FBXO15: variants seen among roughly 807,000 people sequenced by gnomAD.
FBXO15 encodes the protein F-box only protein 15.
In FBXO15, 30 loss-of-function variants were observed where a neutral mutation model predicts 49.5. The observed-to-expected ratio is 0.61, with a 90% CI of 0.45 to 0.82. The LOEUF (loss-of-function observed/expected upper bound fraction) is 0.82, where lower values mean the gene tolerates loss of function less well. Among genes scored for constraint, FBXO15 ranks in the 40% least tolerant of loss-of-function variants. The probability of loss-of-function intolerance (pLI) is 0.00; values close to 1 mark genes in which losing one functional copy is unlikely to be tolerated. For synonymous variants in FBXO15, 250 were observed against 232.7 expected, an observed-to-expected ratio of 1.07 and a Z score of -0.68; for missense variants, 591 against 631.5, an observed-to-expected ratio of 0.94 and a Z score of 0.69.
intron 8 of FBXO15, among the ~76,000 whole-genome samples, chr18:74,111,054 A>G (rs1372719886): frequency 6.6e-6 from 1 of 152,164 alleles, no homozygotes; most frequent in Non-Finnish European, 1.5e-5. Flanking sequence ...GTCATAAATC[A>G]ACGGGGTATA....
intron 9 of FBXO15, among the ~76,000 whole-genome samples, chr18:74,080,601 A>C (rs1388286372): frequency 6.6e-6 from 1 of 152,242 alleles, no homozygotes. Context: ...CCAATTTTGA[A>C]GCCGTATCTT....
intron 9 of FBXO15, among the ~76,000 whole-genome samples, chr18:74,077,770 A>G (rs530133233): frequency 6.6e-6 from 1 of 152,294 alleles, no homozygotes; most frequent in South Asian, 2.1e-4. Flanking sequence ...TGGAATGGGC[A>G]TTACCACTGT....
chr18:74,116,177 T>C (rs1487354639), intron 8 of FBXO15, among the ~76,000 whole-genome samples: 5 of 152,174 alleles, frequency 3.3e-5, no homozygotes, highest in Admixed American at 2.6e-4. Flanking sequence ...TGAGAGCAGG[T>C]TGGGGACATG....
intron 5 of FBXO15, among the ~76,000 whole-genome samples, chr18:74,126,649 GA>G (rs1568175965): frequency 6.6e-6 from 1 of 152,194 alleles, no homozygotes; most frequent in Non-Finnish European, 1.5e-5. Flanking sequence ...TTTCATAAAG[GA>G]GACACTAACA....
At chr18:74,100,602 C>A in intron 8 of FBXO15, among the ~76,000 whole-genome samples, 1 of 151,488 alleles carries the variant, frequency 6.6e-6, no homozygotes, top group East Asian at 1.9e-4. Flanking sequence ...AAAAAAAATA[C>A]AAAAGATAAA....
intron 8 of FBXO15, among the ~76,000 whole-genome samples, chr18:74,093,376 G>T (rs1351881146): frequency 6.6e-6 from 1 of 152,138 alleles, no homozygotes; most frequent in Non-Finnish European, 1.5e-5. Context: ...CTCTGCTGGA[G>T]CTCTCTGATG....
At chr18:74,108,217 G>A (rs989303397) in intron 8 of FBXO15, among the ~76,000 whole-genome samples, 13 of 152,128 alleles carry the variant, frequency 8.5e-5, no homozygotes, top group African/African-American at 3.1e-4. Flanking sequence ...AGCTGTGACA[G>A]GGATGTTGGA....
At position 74,085,226 on chromosome 18, in the gene FBXO15, T is replaced by C. The variant is rs1374535798; in HGVS notation, c.1139-3175A>G. ...TGGACCTAAAATAGCCAAAACAATC[T>C]TGGAAAAAAAAAAGTTGACTTCAAG... On this transcript the variant is annotated intron_variant, in intron 8 of 9. Transcript: ENST00000419743. Among the ~76,000 whole-genome samples, 4 of 135,472 alleles carry C rather than the reference T, an allele frequency of 3.0e-5. No individual in the cohort carries two copies. In the East Asian group the frequency reaches 8.4e-4, roughly 29 times the overall value. 88.9% of individuals were successfully genotyped at this position (135,472 alleles called of 152,430 possible).
chr18:74,097,068 T>C (rs1217737020), intron 8 of FBXO15: 1 of 152,156 alleles, frequency 6.6e-6, no homozygotes, highest in Non-Finnish European at 1.5e-5. Context: ...GAGGAAGCAG[T>C]GGGAAAAGCC....
chr18:74,085,508 G>A (rs901779425), intron 8 of FBXO15, among the ~76,000 whole-genome samples: 4 of 152,162 alleles, frequency 2.6e-5, no homozygotes, highest in East Asian at 1.9e-4. Context: ...TGGGAGAATC[G>A]CTTGAACCAA....
At chr18:74,079,792 A>G (rs954104878) in intron 9 of FBXO15, among the ~76,000 whole-genome samples, 2 of 152,174 alleles carry the variant, frequency 1.3e-5, no homozygotes, top group African/African-American at 2.4e-5. Flanking sequence ...CTGAGGTTGG[A>G]GGAAGACGGA....
At chr18:74,082,148 G>T in intron 8 of FBXO15, 97 bp from the exon 9 acceptor site, 1 of 1,328,366 alleles carries the variant, frequency 7.5e-7, no homozygotes, top group Non-Finnish European at 1.0e-6. Flanking sequence ...ACCTCACCCT[G>T]GTAAGCCCTG....
intron 8 of FBXO15, among the ~76,000 whole-genome samples, chr18:74,084,529 T>A (rs1250602186): frequency 2.0e-5 from 3 of 152,242 alleles, no homozygotes; most frequent in Admixed American, 1.3e-4. Flanking sequence ...TGGCTTTGCA[T>A]CTATAAACAC....
At chr18:74,118,559 G>C (rs956687565) in intron 8 of FBXO15, among the ~76,000 whole-genome samples, 4 of 152,014 alleles carry the variant, frequency 2.6e-5, no homozygotes, top group African/African-American at 9.7e-5. Flanking sequence ...AATAAATTCT[G>C]TATAAAGACT....
At chr18:74,131,040 T>C (rs1323317326) in intron 3 of FBXO15, among the ~76,000 whole-genome samples, 1 of 152,204 alleles carries the variant, frequency 6.6e-6, no homozygotes, top group Non-Finnish European at 1.5e-5. Flanking sequence ...TACATGCTTT[T>C]AAAAAGATCA....
chr18:74,093,919 T>C (rs937571986), intron 8 of FBXO15, among the ~76,000 whole-genome samples: 10 of 152,192 alleles, frequency 6.6e-5, no homozygotes, highest in African/African-American at 1.2e-4. Context: ...TATAGACTTA[T>C]AAAACTATAG....
chr18:74,123,174 A>T, intron 8 of FBXO15, 194 bp downstream of exon 8: 1 of 522,050 alleles, frequency 1.9e-6, no homozygotes, highest in Non-Finnish European at 3.3e-6. Context: ...TGAAGGAGAC[A>T]GAGCCAGTTC....
chr18:74,101,128 C>T (rs1913498878), intron 8 of FBXO15, among the ~76,000 whole-genome samples: 1 of 152,028 alleles, frequency 6.6e-6, no homozygotes, highest in Non-Finnish European at 1.5e-5. Flanking sequence ...GACCAATATC[C>T]CTGATGAACA....
chr18:74,077,125 AG>A (rs1912286130), intron 9 of FBXO15, among the ~76,000 whole-genome samples: 1 of 152,186 alleles, frequency 6.6e-6, no homozygotes, highest in Non-Finnish European at 1.5e-5. Flanking sequence ...AAGCACCAAG[AG>A]GGCAGGACTT....
Sources: allele counts gnomAD v4.1 joint callset (sites outside exome capture counted in the v4.1 genomes callset), GRCh38; gene constraint gnomAD v4.1.1; transcripts MANE v1.5; gene names NCBI Gene and HGNC (gene_info 2026-07-23, HGNC 2026-07-21).